ASTN2: variants seen among roughly 807,000 people sequenced by gnomAD.
ASTN2 encodes astrotactin-2.
Under a neutral mutation model 139.8 loss-of-function variants are expected in ASTN2, and 54 were observed. The observed-to-expected ratio is 0.39, with a 90% confidence interval of 0.31 to 0.48. The LOEUF (loss-of-function observed/expected upper bound fraction) is 0.48. Ranked by LOEUF, ASTN2 falls within the 20% of genes least tolerant of loss-of-function variation. The pLI, the probability that ASTN2 is intolerant of heterozygous loss-of-function variation, is 0.95. For synonymous variants in ASTN2, 756 were observed against 719.5 expected, an observed-to-expected ratio of 1.05 and a Z score of -0.81; for missense variants, 1,565 against 1,725.1, an observed-to-expected ratio of 0.91 and a Z score of 1.64.
chr9:116,428,589 T>C (rs1038698613), intron 22 of ASTN2, among the ~76,000 whole-genome samples: 3 of 151,618 alleles, frequency 2.0e-5, no homozygotes, highest in Non-Finnish European at 4.4e-5. Flanking sequence ...TGAGAATTTA[T>C]GGCTACAATA....
intron 10 of ASTN2, among the ~76,000 whole-genome samples, chr9:116,907,116 A>C (rs946260798): frequency 6.6e-6 from 1 of 152,214 alleles, no homozygotes; most frequent in Non-Finnish European, 1.5e-5. Context: ...ACTAGGATTC[A>C]AAGGGCTTAA....
chr9:116,562,989 T>C (rs1158176445), intron 19 of ASTN2, among the ~76,000 whole-genome samples: 3 of 152,104 alleles, frequency 2.0e-5, no homozygotes, highest in Non-Finnish European at 4.4e-5. Flanking sequence ...GAACTTGCAT[T>C]CTGCAGGAGA....
intron 5 of ASTN2, among the ~76,000 whole-genome samples, chr9:117,049,879 T>C (rs1040158906): frequency 2.6e-5 from 4 of 152,148 alleles, no homozygotes; most frequent in Non-Finnish European, 5.9e-5. Flanking sequence ...GATGCTGTAC[T>C]CAATAGATTA....
intron 17 of ASTN2, among the ~76,000 whole-genome samples, chr9:116,624,103 C>T (rs568813202): frequency 2.0e-5 from 3 of 152,148 alleles, no homozygotes; most frequent in Admixed American, 2.0e-4. Context: ...TAAACGCTTC[C>T]AACTTCTGGC....
At chr9:117,211,649 T>C (rs754408961) in intron 3 of ASTN2, among the ~76,000 whole-genome samples, 7 of 152,162 alleles carry the variant, frequency 4.6e-5, no homozygotes, top group Non-Finnish European at 8.8e-5. Context: ...TCTCAGGTAG[T>C]TCTTTATAGC....
At chr9:117,236,900 C>T (rs1037515664) in intron 2 of ASTN2, among the ~76,000 whole-genome samples, 5 of 152,056 alleles carry the variant, frequency 3.3e-5, no homozygotes, top group Admixed American at 6.6e-5. Flanking sequence ...AGCTATGATC[C>T]GTAAAGCAAC....
intron 10 of ASTN2, among the ~76,000 whole-genome samples, chr9:116,973,115 C>T (rs189358178): frequency 2.0e-5 from 3 of 152,270 alleles, no homozygotes; most frequent in East Asian, 1.9e-4. Context: ...AATCTTTTAT[C>T]CCCTATTGCA....
chr9:116,932,855 A>T (rs1163521744), intron 10 of ASTN2, among the ~76,000 whole-genome samples: 6 of 151,732 alleles, frequency 4.0e-5, no homozygotes, highest in Non-Finnish European at 8.8e-5. Context: ...AAAATCCAAA[A>T]ATTAGCTGGG....
chr9:116,958,541 A>T (rs887492689), intron 10 of ASTN2, among the ~76,000 whole-genome samples: 3 of 152,094 alleles, frequency 2.0e-5, no homozygotes, highest in Admixed American at 2.0e-4. Context: ...GTGAGCCGAG[A>T]CCGCACCACT....
intron 7 of ASTN2, among the ~76,000 whole-genome samples, chr9:116,987,655 A>C (rs1836725868): frequency 6.6e-6 from 1 of 152,220 alleles, no homozygotes; most frequent in Admixed American, 6.5e-5. Context: ...CAGATTAATG[A>C]ACCCATATTT....
At chr9:117,117,368 GAAAA>G (rs36042622) in intron 4 of ASTN2, among the ~76,000 whole-genome samples, 1 of 66,916 alleles carries the variant, frequency 1.5e-5, no homozygotes, top group South Asian at 5.6e-4. Flanking sequence ...GCAAAGTGGA[GAAAA>G]AAAAAAAGAA....
chr9:117,066,791 G>A (rs1827960408), intron 5 of ASTN2, among the ~76,000 whole-genome samples: 2 of 151,440 alleles, frequency 1.3e-5, no homozygotes, highest in South Asian at 4.2e-4. Flanking sequence ...TTTTTTGGCT[G>A]CATAAATGTC....
At chr9:117,129,635 T>C (rs944525546) in intron 4 of ASTN2, among the ~76,000 whole-genome samples, 11 of 152,292 alleles carry the variant, frequency 7.2e-5, no homozygotes, top group African/African-American at 2.2e-4. Flanking sequence ...CTTGGTCTAA[T>C]AGGAAGATTT....
intron 1 of ASTN2, among the ~76,000 whole-genome samples, chr9:117,299,937 T>C (rs1210704961): frequency 6.6e-6 from 1 of 152,208 alleles, no homozygotes; most frequent in Non-Finnish European, 1.5e-5. Context: ...GAGCACAAAT[T>C]ACAGAGCCTC....
rs11371651 is a variant in ASTN2 at position 116,921,586 on chromosome 9, T to TAA, written c.1889+53620_1889+53621dup. ...CTGGGCGACCGAGCGAGACTCCGTCTAAAAAAAAAAAAAAAAAAAAGAACT... is the reference window on the plus strand; with the variant it reads ...CTGGGCGACCGAGCGAGACTCCGTCTAAAAAAAAAAAAAAAAAAAAAAGAACT... On this transcript the variant is annotated intron_variant, in intron 10 of 22. Transcript: ENST00000313400. 3.0e-3 allele frequency among the ~76,000 whole-genome samples: 333 copies of TAA among 112,844 alleles called. 3 individuals carry two copies. Among genetic ancestry groups the TAA allele is most frequent in the Middle Eastern group, 4.9e-3 (1 of 206 alleles). The allele number at this position is 112,844 out of a possible 152,430, so 74.0% of individuals were successfully genotyped here. A position where few individuals can be genotyped will look rare whatever the true frequency, so the allele number is the denominator to read the frequency against.
In ASTN2 at chr9:117,102,812, G is replaced by A. The variant is rs372550128; in HGVS notation, c.1169-6661C>T. ...GCTGGGATTACAGGCGTGAGTAACCGTGCCTGGCCAATTAATGATTAATTT... is the reference window on the plus strand; with the variant it reads ...GCTGGGATTACAGGCGTGAGTAACCATGCCTGGCCAATTAATGATTAATTT... On this transcript the variant is annotated intron_variant, in intron 4 of 22. Coordinates refer to ENST00000313400, the MANE Select transcript of ASTN2 (RefSeq NM_001365068.1). Among the ~76,000 whole-genome samples, 9 of 152,120 alleles carry A rather than the reference G, an allele frequency of 5.9e-5. No individual in the cohort carries two copies. In the South Asian group the frequency reaches 1.2e-3, roughly 21 times the overall value.
At chr9:117,012,052 C>T (rs1256528400) in intron 6 of ASTN2, among the ~76,000 whole-genome samples, 2 of 152,184 alleles carry the variant, frequency 1.3e-5, no homozygotes, top group African/African-American at 2.4e-5. Flanking sequence ...ATCCAACTCT[C>T]AGTAAAATGC....
chr9:116,530,141 AT>A (rs1436611293), intron 19 of ASTN2, among the ~76,000 whole-genome samples: 13 of 27,226 alleles, frequency 4.8e-4, no homozygotes, highest in African/African-American at 9.7e-4. Context: ...ATATATATAT[AT>A]ATATATATAA....
At chr9:117,240,259 TC>T (rs1490464015) in intron 2 of ASTN2, among the ~76,000 whole-genome samples, 2 of 152,124 alleles carry the variant, frequency 1.3e-5, no homozygotes, top group African/African-American at 2.4e-5. Flanking sequence ...TGTCCTGTCT[TC>T]CTCATAAATT....
Sources: gnomAD v4.1 joint callset for allele counts (sites outside exome capture counted in the v4.1 genomes callset) on GRCh38, gnomAD v4.1.1 for gene constraint, MANE v1.5 for transcripts, NCBI Gene and HGNC (gene_info 2026-07-23, HGNC 2026-07-21) for gene names.